ERLIN2: variants seen among roughly 807,000 people sequenced by gnomAD.
ERLIN2 encodes erlin-2.
In ERLIN2, 22 loss-of-function variants were observed where a neutral mutation model predicts 41.5. That is an observed-to-expected ratio of 0.53 (90% CI 0.38 to 0.76). The LOEUF (loss-of-function observed/expected upper bound fraction) is 0.76, where lower values mean the gene tolerates loss of function less well. Ranked by LOEUF, ERLIN2 falls within the 30% of genes least tolerant of loss-of-function variation. The pLI is 0.00. For missense variants in ERLIN2, 247 were observed against 414.3 expected (o/e 0.60, Z 3.51); for synonymous variants, 149 against 150.9 (o/e 0.99, Z 0.09).
At chr8:37,748,024 A>G in intron 6 of ERLIN2, 2 of 1,600,028 alleles carry the variant, frequency 1.2e-6, no homozygotes, top group Non-Finnish European at 1.7e-6. Flanking sequence ...GAGCAACCTG[A>G]AAAACTCTAC....
At position 37,744,617 on chromosome 8, in the gene ERLIN2, C is replaced by CA; in HGVS notation, c.346dup (p.Ile116AsnfsTer24). On this transcript the variant is annotated frameshift_variant, in exon 6 of 12. Transcript: ENST00000519638. LOFTEE classifies it high-confidence loss of function. ...ATACTGCTGACTATGACAAGGCCCT[C>CA]ATCTTCAACAAGATCCACCACGAAC... 1 of 1,614,038 alleles carries CA rather than the reference C, an allele frequency of 6.2e-7. No homozygotes were observed. The highest frequency in any genetic ancestry group is 8.5e-7 in the Non-Finnish European group (1 of 1,179,900).
chr8:37,740,221 A>G, intron 2 of ERLIN2, 144 bp from the exon 3 acceptor site: 1 of 712,338 alleles, frequency 1.4e-6, no homozygotes, highest in Non-Finnish European at 2.6e-6. Context: ...AGAGGAAGAA[A>G]GGGATCTGTA....
intron 4 of ERLIN2, among the ~76,000 whole-genome samples, chr8:37,744,026 C>CT (rs1183165981): frequency 3.3e-5 from 5 of 152,190 alleles, no homozygotes; most frequent in African/African-American, 1.2e-4. Flanking sequence ...AAAACTTCAC[C>CT]TTGACCCTCC....
chr8:37,738,853 C>A (rs1362110017), intron 2 of ERLIN2, among the ~76,000 whole-genome samples: 2 of 152,014 alleles, frequency 1.3e-5, no homozygotes, highest in East Asian at 3.9e-4. Context: ...CCACTGCACT[C>A]CAGCCTGGGT....
chr8:37,754,194 C>G lies in ERLIN2; in HGVS notation c.*79C>G, dbSNP rs1432855584. 9.8e-7 allele frequency: 1 copy of G among 1,019,862 alleles called. No individual in the cohort carries two copies. Among genetic ancestry groups the G allele is most frequent in the Non-Finnish European group, 1.5e-6 (1 of 661,202 alleles). 63.2% of individuals were successfully genotyped at this position (1,019,862 alleles called of 1,614,324 possible). On this transcript the variant is annotated 3_prime_UTR_variant, in exon 12 of 12. Coordinates refer to ENST00000519638, the MANE Select transcript of ERLIN2 (RefSeq NM_007175.8). ...ATGAATCAGAATGTTCCTCCCTCCC[C>G]GACTACCTTCTCTGACTGTCTTCCA...
chr8:37,749,814 C>A lies in ERLIN2; in HGVS notation c.519C>A (p.Pro173=). ...TCCAGGCTGTGCGGGTAACAAAGCC[C>A]AACATACCAGAGGCAATCCGCAGAA... ...LVIQAVRVTK[P]NIPEAIRRNY... Residue 173 remains proline (P), a synonymous_variant, in exon 8 of 12, where the codon CCC becomes CCA. Transcript: ENST00000519638. The A allele has an allele frequency of 6.2e-7, 1 of 1,614,164 alleles. No individual in the cohort carries two copies. The highest frequency in any genetic ancestry group is 8.5e-7 in the Non-Finnish European group (1 of 1,180,026).
intron 10 of ERLIN2, among the ~76,000 whole-genome samples, chr8:37,752,943 T>G (rs1013981998): frequency 2.6e-5 from 4 of 152,252 alleles, no homozygotes; most frequent in Non-Finnish European, 5.9e-5. Flanking sequence ...GGGACTGAAC[T>G]ATGTTATGTT....
intron 10 of ERLIN2, among the ~76,000 whole-genome samples, chr8:37,752,620 G>A (rs1360719414): frequency 6.6e-6 from 1 of 152,218 alleles, no homozygotes; most frequent in African/African-American, 2.4e-5. Context: ...AGGGCACTCA[G>A]TGAAAACCCA....
rs1235924311 is a variant in ERLIN2 at position 37,757,354 on chromosome 8, T to A, written c.*3239T>A. 1.3e-5 allele frequency: 2 copies of A among 152,200 alleles called. No individual in the cohort carries two copies. The highest frequency in any genetic ancestry group is 2.9e-5 in the Non-Finnish European group (2 of 68,036). 9.4% of individuals were successfully genotyped at this position (152,200 alleles called of 1,614,324 possible). On this transcript the variant is annotated 3_prime_UTR_variant, in exon 12 of 12. Coordinates refer to ENST00000519638, the MANE Select transcript of ERLIN2 (RefSeq NM_007175.8). ...TTTTGTTGTTTCTAGCCACTGTTTT[T>A]TTTTTCTTGTTTCCTTATAAAACAG...
chr8:37,750,228 TG>T, intron 8 of ERLIN2, 166 bp from the exon 9 acceptor site: 1 of 671,234 alleles, frequency 1.5e-6, no homozygotes, highest in Non-Finnish European at 2.7e-6. Flanking sequence ...AGAAGAGCTA[TG>T]TTACTGTCAA....
At chr8:37,747,460 G>A in intron 6 of ERLIN2, 1 of 1,611,408 alleles carries the variant, frequency 6.2e-7, no homozygotes, top group South Asian at 1.1e-5. Context: ...AATCACTTTG[G>A]CATTCTGTGC....
Position 37,750,505 on chromosome 8 carries a change from G to A in ERLIN2, c.649+19G>A. Reference sequence around the variant, plus strand: ...CTCATTGGTCTGAATGTGGTTCTGTGATCCCCCTTTCCAGGCAGAAAGGCT... The same window carrying A: ...CTCATTGGTCTGAATGTGGTTCTGTAATCCCCCTTTCCAGGCAGAAAGGCT... On this transcript the variant is annotated intron_variant, in intron 9 of 11. Coordinates refer to ENST00000519638, the MANE Select transcript of ERLIN2 (RefSeq NM_007175.8). 1 of 1,599,946 alleles carries A rather than the reference G, an allele frequency of 6.3e-7. No homozygotes were observed. Among genetic ancestry groups the A allele is most frequent in the African/African-American group, 1.3e-5 (1 of 74,716 alleles).
intron 1 of ERLIN2, chr8:37,737,588 A>G (rs2129640296): frequency 2.7e-6 from 1 of 373,906 alleles, no homozygotes; most frequent in Non-Finnish European, 5.1e-6. Context: ...AGGTTCAGTG[A>G]CAGCACATTC....
In ERLIN2 at chr8:37,757,658, G is replaced by T. The variant is rs941426303; in HGVS notation, c.*3543G>T. On this transcript the variant is annotated 3_prime_UTR_variant, in exon 12 of 12. Transcript: ENST00000519638. ...TATTTGCAGTCTTGCTAAGTAAAAT[G>T]AGTCTTTGTATCTACTTTTTTATTA... The T allele has an allele frequency of 1.3e-5, 2 of 152,166 alleles. No individual in the cohort carries two copies. Among genetic ancestry groups the T allele is most frequent in the African/African-American group, 2.4e-5 (1 of 41,426 alleles). 9.4% of individuals were successfully genotyped at this position (152,166 alleles called of 1,614,324 possible).
chr8:37,752,988 A>G (rs7827663), intron 10 of ERLIN2, among the ~76,000 whole-genome samples: 8,717 of 152,196 alleles, frequency 0.057, 852 homozygotes, highest in African/African-American at 0.2. Context: ...TCGACCTCTG[A>G]CCGTACTTAG....
chr8:37,745,780 GTCTTTTAT>G, intron 6 of ERLIN2: 1 of 1,456,236 alleles, frequency 6.9e-7, no homozygotes, highest in South Asian at 1.5e-5. Context: ...AGGGTTTGTA[GTCTTTTAT>G]CTGTTTTGGA....
At chr8:37,753,821 G>C (rs1803289394) in intron 11 of ERLIN2, 94 bp from the exon 12 acceptor site, 1 of 1,065,410 alleles carries the variant, frequency 9.4e-7, no homozygotes, top group South Asian at 1.3e-5. Flanking sequence ...AAGTAGGTAG[G>C]GGCATAAATA....
chr8:37,743,071 C>T (rs574069052), intron 4 of ERLIN2, among the ~76,000 whole-genome samples: 2 of 152,244 alleles, frequency 1.3e-5, no homozygotes, highest in South Asian at 2.1e-4. Context: ...CTGACAAATC[C>T]GGAATTGGAA....
intron 10 of ERLIN2, among the ~76,000 whole-genome samples, chr8:37,752,735 C>T (rs1472844422): frequency 6.6e-6 from 1 of 152,194 alleles, no homozygotes. Flanking sequence ...TTTCTATCAG[C>T]TTGACAGAAA....
Sources: allele counts gnomAD v4.1 joint callset (sites outside exome capture counted in the v4.1 genomes callset), GRCh38; gene constraint gnomAD v4.1.1; transcripts MANE v1.5; gene names NCBI Gene and HGNC (gene_info 2026-07-23, HGNC 2026-07-21).